The following SVOPL variants were observed in gnomAD, a reference collection of about 807,000 sequenced individuals.
SVOPL encodes SVOP like, also known as putative transporter SVOPL.
SVOPL carries 60 observed loss-of-function variants against 61.0 expected under a neutral mutation model. The observed-to-expected ratio is 0.98, with a 90% confidence interval of 0.80 to 1.22. SVOPL has a LOEUF of 1.22. Ranked by LOEUF, SVOPL falls within the 50% of genes most tolerant of loss-of-function variation. The pLI is 0.00. For missense variants in SVOPL, 662 were observed against 643.9 expected, an observed-to-expected ratio of 1.03 and a Z score of -0.30; for synonymous variants, 279 against 250.0, an observed-to-expected ratio of 1.12 and a Z score of -1.09.
intron 9 of SVOPL, among the ~76,000 whole-genome samples, chr7:138,631,651 C>T (rs1455896384): frequency 6.6e-6 from 1 of 152,096 alleles, no homozygotes; most frequent in African/African-American, 2.4e-5. Flanking sequence ...TCACTGCAAC[C>T]CCTGCCTCCC....
At chr7:138,690,897 C>A (rs1802925700) in intron 1 of SVOPL, among the ~76,000 whole-genome samples, 1 of 152,070 alleles carries the variant, frequency 6.6e-6, no homozygotes, top group African/African-American at 2.4e-5. Flanking sequence ...CTCAGCCTCC[C>A]AAGTAGCTGG....
chr7:138,678,303 G>A (rs1802619369), intron 3 of SVOPL, 131 bp downstream of exon 3: 1 of 871,240 alleles, frequency 1.1e-6, no homozygotes, highest in East Asian at 2.8e-5. Flanking sequence ...ATCCACCTTG[G>A]GCACACGTTC....
intron 14 of SVOPL, among the ~76,000 whole-genome samples, chr7:138,602,479 A>ATATATAT (rs1189679178): frequency 2.0e-5 from 3 of 149,924 alleles, no homozygotes; most frequent in African/African-American, 7.3e-5. Flanking sequence ...ATATATATGT[A>ATATATAT]GATGTGTGTG....
intron 14 of SVOPL, among the ~76,000 whole-genome samples, chr7:138,612,447 T>TAAAA (rs59229265): frequency 1.3e-4 from 3 of 22,296 alleles, no homozygotes; most frequent in Non-Finnish European, 1.8e-4. Context: ...AAAAAAAAAA[T>TAAAA]AAAAAAAAAA....
At chr7:138,656,039 A>G (rs1245873299) in intron 7 of SVOPL, among the ~76,000 whole-genome samples, 4 of 152,176 alleles carry the variant, frequency 2.6e-5, no homozygotes, top group Non-Finnish European at 1.5e-5. Flanking sequence ...CTTCATTGTT[A>G]TCTTTTTTTA....
chr7:138,678,478 C>G lies in SVOPL; in HGVS notation c.130G>C (p.Gly44Arg), dbSNP rs753217528. Reference sequence around the variant, plus strand: ...AGAAAGAGGGCAATGTGGAAACGCCCGAAGCCGATAGTCTCCACTGCATCT... The same window carrying G: ...AGAAAGAGGGCAATGTGGAAACGCCGGAAGCCGATAGTCTCCACTGCATCT... ...VEDAVETIGF[G>R]RFHIALFLIM... is the part of the protein sequence containing the mutation. The change falls in exon 3 of 16, where the codon GGG becomes CGG. Residue 44 changes from glycine (G) to arginine (R), a missense_variant. Physicochemically the swap from Gly to Arg is moderately radical, Grantham distance 125. Coordinates refer to ENST00000674285, the MANE Select transcript of SVOPL (RefSeq NM_001139456.2). 2 of 1,551,890 alleles carry G rather than the reference C, an allele frequency of 1.3e-6. No homozygotes were observed. The highest frequency in any genetic ancestry group is 1.7e-4 in the Middle Eastern group (1 of 5,994).
chr7:138,604,058 G>A (rs925212450), intron 14 of SVOPL, among the ~76,000 whole-genome samples: 2 of 150,398 alleles, frequency 1.3e-5, no homozygotes, highest in African/African-American at 4.9e-5. Flanking sequence ...CGACCTCCTG[G>A]GCTCAAGTGA....
intron 1 of SVOPL, among the ~76,000 whole-genome samples, chr7:138,687,151 C>G (rs1802834482): frequency 6.6e-6 from 1 of 151,702 alleles, no homozygotes; most frequent in Non-Finnish European, 1.5e-5. Context: ...AAAACTACTG[C>G]TCCCTTTTCA....
At chr7:138,603,318 T>A (rs1042682004) in intron 14 of SVOPL, among the ~76,000 whole-genome samples, 1 of 152,196 alleles carries the variant, frequency 6.6e-6, no homozygotes, top group Non-Finnish European at 1.5e-5. Flanking sequence ...TATGGTAAAT[T>A]CCTCACATTG....
In SVOPL at chr7:138,700,335, CTTT is replaced by C. The variant is rs776461183; in HGVS notation, c.-35+840_-35+842del. 3.8e-3 allele frequency among the ~76,000 whole-genome samples: 383 copies of C among 99,746 alleles called. 1 individual carries two copies. Among genetic ancestry groups the C allele is most frequent in the African/African-American group, 0.014 (364 of 25,892 alleles). The allele number at this position is 99,746 out of a possible 152,430, so 65.4% of individuals were successfully genotyped here. A position where few individuals can be genotyped will look rare whatever the true frequency, so the allele number is the denominator to read the frequency against. ...TACTCTGTTCTTTGGTTCCGTATGTCTTTTTTTTTTTTTTTTTTTTTGAGACAG... is the reference window on the plus strand; with the variant it reads ...TACTCTGTTCTTTGGTTCCGTATGTCTTTTTTTTTTTTTTTTTTGAGACAG... On this transcript the variant is annotated intron_variant, in intron 1 of 15. Transcript: ENST00000674285.
chr7:138,625,678 A>G (rs1256626491), intron 13 of SVOPL, among the ~76,000 whole-genome samples: 1 of 152,236 alleles, frequency 6.6e-6, no homozygotes, highest in East Asian at 1.9e-4. Context: ...TGAATGCAAC[A>G]TGTTGCTACC....
intron 13 of SVOPL, among the ~76,000 whole-genome samples, chr7:138,623,230 T>C (rs989361624): frequency 2.0e-5 from 3 of 152,182 alleles, no homozygotes; most frequent in Admixed American, 6.5e-5. Context: ...TTTTTTCACA[T>C]TGTGAGTCAT....
chr7:138,688,274 G>T (rs1367633159), intron 1 of SVOPL, among the ~76,000 whole-genome samples: 4 of 148,188 alleles, frequency 2.7e-5, no homozygotes, highest in Non-Finnish European at 5.9e-5. Flanking sequence ...AAAATTTTGG[G>T]GTTTTTTTTT....
chr7:138,599,158 C>CAAAAAAAAAAAAAAAAA (rs1563078186), intron 14 of SVOPL, among the ~76,000 whole-genome samples: 1 of 100,846 alleles, frequency 9.9e-6, no homozygotes, highest in East Asian at 2.8e-4. Flanking sequence ...AAAAAAAAAA[C>CAAAAAAAAAAAAAAAAA]CAAAAAAAAA....
intron 1 of SVOPL, among the ~76,000 whole-genome samples, chr7:138,683,333 T>A (rs762690013): frequency 1.1e-4 from 17 of 152,134 alleles, no homozygotes; most frequent in Non-Finnish European, 2.2e-4. Context: ...GTGTAGTATT[T>A]TCCAAAATAA....
Position 138,638,932 on chromosome 7 carries a change from CTG to C in SVOPL, c.789+5783_789+5784del, listed in dbSNP as rs1460010488. ...AGAAACACAAAATATCTTCCTGAAACTGTGCACACAAATAAGAAGAAATACAA... is the reference window on the plus strand; with the variant it reads ...AGAAACACAAAATATCTTCCTGAAACTGCACACAAATAAGAAGAAATACAA... On this transcript the variant is annotated intron_variant, in intron 9 of 15. Transcript: ENST00000674285. Among the ~76,000 whole-genome samples the C allele has an allele frequency of 3.9e-5, 6 of 152,268 alleles. No individual in the cohort carries two copies. In the South Asian group the frequency reaches 6.2e-4, roughly 16 times the overall value.
intron 14 of SVOPL, among the ~76,000 whole-genome samples, chr7:138,597,654 G>A (rs1364962294): frequency 1.3e-5 from 2 of 151,828 alleles, no homozygotes; most frequent in East Asian, 3.9e-4. Context: ...GTGTGTGTGT[G>A]TGTGTGTGTG....
At chr7:138,662,450 G>C (rs1056542653) in intron 5 of SVOPL, 8 of 985,296 alleles carry the variant, frequency 8.1e-6, no homozygotes, top group African/African-American at 1.7e-5. Context: ...TGGGGGGTTA[G>C]AGACTTTATG....
chr7:138,698,086 G>A (rs897538596), intron 1 of SVOPL, among the ~76,000 whole-genome samples: 2 of 150,860 alleles, frequency 1.3e-5, no homozygotes, highest in African/African-American at 4.9e-5. Flanking sequence ...AAAGGAAGGA[G>A]GGAAGGGAAG....
Sources: gnomAD v4.1 joint callset for allele counts (sites outside exome capture counted in the v4.1 genomes callset) on GRCh38, gnomAD v4.1.1 for gene constraint, MANE v1.5 for transcripts, NCBI Gene and HGNC (gene_info 2026-07-23, HGNC 2026-07-21) for gene names.